The following ANK1 variants were observed in gnomAD, a reference collection of about 807,000 sequenced individuals.
The protein encoded by ANK1 is ankyrin-1.
ANK1 carries 51 observed loss-of-function variants against 210.4 expected under a neutral mutation model. That is an observed-to-expected ratio of 0.24 (90% confidence interval 0.19 to 0.31). The LOEUF (loss-of-function observed/expected upper bound fraction) is 0.31. Ranked by LOEUF, ANK1 falls within the 10% of genes least tolerant of loss-of-function variation. The pLI is 1.00. For synonymous variants in ANK1, 967 were observed against 1,025.9 expected, an observed-to-expected ratio of 0.94 and a Z score of 1.10; for missense variants, 2,051 against 2,504.4, an observed-to-expected ratio of 0.82 and a Z score of 3.86.
At chr8:41,708,283 C>T (rs556587348) in intron 17 of ANK1, among the ~76,000 whole-genome samples, 3 of 152,256 alleles carry the variant, frequency 2.0e-5, no homozygotes, top group South Asian at 4.1e-4. Context: ...CAGAAAACTG[C>T]TCACGCGCGC....
At chr8:41,700,518 C>A in intron 22 of ANK1, 1 of 1,507,136 alleles carries the variant, frequency 6.6e-7, no homozygotes, top group South Asian at 1.1e-5. Flanking sequence ...AAGCGAGAGG[C>A]ATATATTATC....
intron 21 of ANK1, 66 bp from the exon 22 acceptor site, chr8:41,701,688 C>A: frequency 6.6e-7 from 1 of 1,513,450 alleles, no homozygotes; most frequent in Non-Finnish European, 9.2e-7. Flanking sequence ...ACCAGCCCAG[C>A]GGTTCCCTGG....
At chr8:41,772,790 A>C (rs1436005404) in intron 1 of ANK1, among the ~76,000 whole-genome samples, 3 of 151,912 alleles carry the variant, frequency 2.0e-5, no homozygotes, top group Non-Finnish European at 4.4e-5. Flanking sequence ...CCCTCCTTCC[A>C]TCTGTTCCAT....
chr8:41,804,741 A>G (rs551235821), intron 1 of ANK1, among the ~76,000 whole-genome samples: 3 of 152,306 alleles, frequency 2.0e-5, no homozygotes, highest in Admixed American at 2.0e-4. Context: ...CTTGATTCTC[A>G]TTCGCTTAAA....
chr8:41,894,930 G>T (rs1380647613), intron 1 of ANK1, among the ~76,000 whole-genome samples: 1 of 152,026 alleles, frequency 6.6e-6, no homozygotes, highest in Non-Finnish European at 1.5e-5. Flanking sequence ...CTAAAGGGGT[G>T]GTGCCTTTGT....
chr8:41,688,806 G>C (rs1006049788), intron 33 of ANK1, among the ~76,000 whole-genome samples: 3 of 152,214 alleles, frequency 2.0e-5, no homozygotes, highest in South Asian at 4.1e-4. Flanking sequence ...AATCACAGTC[G>C]TAATAACGGC....
intron 42 of ANK1, chr8:41,660,455 G>A: frequency 2.2e-6 from 1 of 460,802 alleles, no homozygotes; most frequent in Middle Eastern, 3.9e-4. Context: ...CCTGTACTGA[G>A]CTGCCCCGAG....
At chr8:41,822,060 AAGAAAGAGAG>A (rs1804362299) in intron 1 of ANK1, among the ~76,000 whole-genome samples, 1 of 129,214 alleles carries the variant, frequency 7.7e-6, no homozygotes, top group African/African-American at 3.0e-5. Context: ...AAAAGAAAGA[AAGAAAGAGAG>A]AGAGAGAGAG....
In ANK1 at chr8:41,661,935, G is replaced by C; in HGVS notation, c.5485C>G (p.Arg1829Gly). Residue 1829 changes from arginine (R) to glycine (G), a missense_variant, in exon 41 of 43, where the codon CGC becomes GGC. Transcript: ENST00000289734. The stretch of plus-strand genomic sequence containing the variant: ...AAGTCTATCTGTCGAACCACCTTGC[G>C]AATGATCTAGGAAAGGAAGGGAAGG... ...QGNIVTKKII[R>G]KVVRQIDLSS... 6.2e-7 allele frequency: 1 copy of C among 1,613,868 alleles called. No individual in the cohort carries two copies. The highest frequency in any genetic ancestry group is 8.5e-7 in the Non-Finnish European group (1 of 1,180,008).
chr8:41,861,620 C>G (rs919609316), intron 1 of ANK1, among the ~76,000 whole-genome samples: 6 of 152,236 alleles, frequency 3.9e-5, no homozygotes, highest in African/African-American at 1.4e-4. Flanking sequence ...TCACTCATCT[C>G]CAGGGCTCTG....
chr8:41,775,086 G>A (rs1473010269), intron 1 of ANK1, among the ~76,000 whole-genome samples: 1 of 152,120 alleles, frequency 6.6e-6, no homozygotes, highest in Non-Finnish European at 1.5e-5. Flanking sequence ...TTGCCAAACA[G>A]GCTTAAGTAC....
At position 41,694,495 on chromosome 8, in the gene ANK1, G is replaced by A; in HGVS notation, c.3327+97C>T. ...TCCACTGTGGCATTTCAAAGCACCA[G>A]ACAAAAGTGTGGGGATGTCCTGGGG... On this transcript the variant is annotated intron_variant, in intron 28 of 42. Coordinates refer to ENST00000289734, the MANE Select transcript of ANK1 (RefSeq NM_000037.4). The surrounding 1 kb of genome is among the most constrained non-coding windows in gnomAD (Gnocchi z 5.7). 8.0e-7 allele frequency: 1 copy of A among 1,250,508 alleles called. No homozygotes were observed. Among genetic ancestry groups the A allele is most frequent in the Non-Finnish European group, 1.1e-6 (1 of 880,832 alleles). The allele number at this position is 1,250,508 out of a possible 1,614,324, so 77.5% of individuals were successfully genotyped here. A position where few individuals can be genotyped will look rare whatever the true frequency, so the allele number is the denominator to read the frequency against.
rs776446603 is a variant in ANK1 at position 41,797,503 on chromosome 8, A to G, written c.27+9T>C. ...TCCCCGTCCACCCGAGCAGCCGCCC[A>G]GTACTCACTTCGCGGAAGCCCACAG... On this transcript the variant is annotated intron_variant, in intron 1 of 42. Transcript: ENST00000289734. This position sits in a 1 kb window ranked among gnomAD's most constrained non-coding sequence, Gnocchi z 4.0. The G allele has an allele frequency of 2.5e-6, 4 of 1,613,068 alleles. No homozygotes were observed. In the African/African-American group the frequency reaches 4.0e-5, roughly 16 times the overall value.
upstream of ANK1, among the ~76,000 whole-genome samples, chr8:41,799,349 G>A (rs926366469): frequency 6.6e-5 from 10 of 152,164 alleles, no homozygotes; most frequent in African/African-American, 2.4e-4. Context: ...CCCACTCAGG[G>A]GCAAGAATGA....
At chr8:41,661,287 T>G in intron 42 of ANK1, 143 bp downstream of exon 42, 29 of 1,281,706 alleles carry the variant, frequency 2.3e-5, no homozygotes, top group Non-Finnish European at 3.1e-5. Flanking sequence ...GGTTGGGAAG[T>G]GAGAATCTCT....
chr8:41,756,847 T>G (rs1452451875), intron 2 of ANK1, among the ~76,000 whole-genome samples: 1 of 152,114 alleles, frequency 6.6e-6, no homozygotes, highest in African/African-American at 2.4e-5. Context: ...GTTCAGAAAA[T>G]CTGGCCCTGC....
intron 17 of ANK1, among the ~76,000 whole-genome samples, chr8:41,706,614 T>G (rs978059310): frequency 3.3e-5 from 5 of 152,226 alleles, no homozygotes; most frequent in Admixed American, 1.3e-4. Context: ...TAGATGAACT[T>G]TATGGCACTT....
intron 1 of ANK1, among the ~76,000 whole-genome samples, chr8:41,814,218 G>A (rs1802938139): frequency 6.6e-6 from 1 of 152,050 alleles, no homozygotes; most frequent in South Asian, 2.1e-4. Context: ...AAATTAGCCG[G>A]GCGTGGTGGC....
intron 20 of ANK1, among the ~76,000 whole-genome samples, chr8:41,703,450 A>ATATATATATATATATATTT (rs59985416): frequency 1.7e-5 from 1 of 58,816 alleles, no homozygotes; most frequent in African/African-American, 9.0e-5. Flanking sequence ...ATATATATAT[A>ATATATATATATATATATTT]TTTTTTTTTT....
Sources: allele counts gnomAD v4.1 joint callset (sites outside exome capture counted in the v4.1 genomes callset), GRCh38; gene constraint gnomAD v4.1.1; non-coding constraint Gnocchi (gnomAD v3.1); transcripts MANE v1.5; gene names NCBI Gene and HGNC (gene_info 2026-07-23, HGNC 2026-07-21).